The following PRR5 variants were observed in gnomAD, a reference collection of about 807,000 sequenced individuals.
PRR5 encodes proline rich 5, also known as proline-rich protein 5.
Under a neutral mutation model 30.6 loss-of-function variants are expected in PRR5, and 25 were observed. That is an observed-to-expected ratio of 0.82 (90% CI 0.60 to 1.14). The LOEUF (loss-of-function observed/expected upper bound fraction) is 1.14. PRR5 is among the 50% of genes most tolerant of loss of function. PRR5 has a pLI of 0.00. For synonymous variants in PRR5, 286 were observed against 247.1 expected (o/e 1.16, Z -1.48); for missense variants, 600 against 547.1 (o/e 1.10, Z -0.96).
intron 1 of PRR5, among the ~76,000 whole-genome samples, chr22:44,709,491 C>T (rs542867851): frequency 4.6e-5 from 7 of 152,218 alleles, no homozygotes; most frequent in African/African-American, 1.7e-4. Flanking sequence ...ACAGGTATTT[C>T]TCCCCCCGCC....
intron 5 of PRR5, 35 bp from the exon 6 acceptor site, chr22:44,732,216 C>T (rs915045412): frequency 6.2e-7 from 1 of 1,605,834 alleles, no homozygotes; most frequent in Non-Finnish European, 8.5e-7. Flanking sequence ...CGCATGTGAC[C>T]ACAGCCGGTG....
chr22:44,719,031 C>T (rs1420887322), intron 2 of PRR5, among the ~76,000 whole-genome samples: 3 of 151,472 alleles, frequency 2.0e-5, no homozygotes, highest in African/African-American at 4.8e-5. Context: ...TTCTTGATCC[C>T]GTCCTTTGAT....
chr22:44,725,364 C>T, intron 3 of PRR5, 72 bp downstream of exon 3: 1 of 1,592,956 alleles, frequency 6.3e-7, no homozygotes, highest in East Asian at 2.2e-5. Context: ...GGCTCACCTG[C>T]CCCCGGGGGT....
At chr22:44,693,572 T>C (rs1925471766) in intron 1 of PRR5, among the ~76,000 whole-genome samples, 1 of 150,852 alleles carries the variant, frequency 6.6e-6, no homozygotes, top group Admixed American at 6.6e-5. Flanking sequence ...CACAGCCCTC[T>C]CCTCTGGGTC....
chr22:44,710,251 C>T (rs1239535422), intron 1 of PRR5, among the ~76,000 whole-genome samples: 6 of 151,312 alleles, frequency 4.0e-5, no homozygotes, highest in Non-Finnish European at 8.8e-5. Context: ...CATGGAGCCT[C>T]CCTAAGGATC....
At chr22:44,726,001 C>A (rs2016014) in intron 3 of PRR5, among the ~76,000 whole-genome samples, 1 of 151,934 alleles carries the variant, frequency 6.6e-6, no homozygotes, top group East Asian at 1.9e-4. Context: ...ATAACACGGC[C>A]TGCGGACTTT....
At chr22:44,696,799 C>T (rs1452007556) in intron 1 of PRR5, among the ~76,000 whole-genome samples, 1 of 152,114 alleles carries the variant, frequency 6.6e-6, no homozygotes, top group Non-Finnish European at 1.5e-5. Context: ...TGCAGTGGCA[C>T]GATCTTGGCT....
chr22:44,695,259 G>T (rs1036510421), intron 1 of PRR5, among the ~76,000 whole-genome samples: 3 of 152,272 alleles, frequency 2.0e-5, no homozygotes, highest in African/African-American at 7.2e-5. Flanking sequence ...ATGGGAATTC[G>T]CATGCCATAT....
intron 2 of PRR5, among the ~76,000 whole-genome samples, chr22:44,722,232 C>G (rs140489213): frequency 6.6e-6 from 1 of 152,250 alleles, no homozygotes; most frequent in Non-Finnish European, 1.5e-5. Flanking sequence ...GGGCCAGGCT[C>G]CAGGGCTGGA....
intron 2 of PRR5, among the ~76,000 whole-genome samples, chr22:44,719,671 T>C (rs73889705): frequency 0.018 from 2,719 of 152,240 alleles, 87 homozygotes; most frequent in African/African-American, 0.061. Flanking sequence ...TAGCGTCCCA[T>C]GTGGCTCATA....
chr22:44,710,299 G>T (rs1927985067), intron 1 of PRR5, among the ~76,000 whole-genome samples: 2 of 151,618 alleles, frequency 1.3e-5, no homozygotes, highest in South Asian at 4.2e-4. Flanking sequence ...CCCCCCCAGC[G>T]CTCAGGAGGG....
At chr22:44,680,644 C>T (rs1402987445) in intron 1 of PRR5, among the ~76,000 whole-genome samples, 1 of 152,196 alleles carries the variant, frequency 6.6e-6, no homozygotes, top group Non-Finnish European at 1.5e-5. Flanking sequence ...CATGCCTGCC[C>T]ACCACAGCAG....
upstream of PRR5, among the ~76,000 whole-genome samples, chr22:44,673,383 G>T (rs572591178): frequency 7.9e-4 from 120 of 152,364 alleles, 1 homozygote; most frequent in Non-Finnish European, 1.1e-3. Flanking sequence ...CCAATGCATA[G>T]GCAGCTCTTG....
chr22:44,725,304 TTGC>T lies in PRR5; in HGVS notation c.264+14_264+16del, dbSNP rs1429798954. On this transcript the variant is annotated intron_variant, in intron 3 of 7. Coordinates refer to ENST00000336985, the MANE Select transcript of PRR5 (RefSeq NM_181333.4). ...CGGAGTACCTGCAGGTAGGTGGGTC[TTGC>T]TCCAGCCAGGCTGGGCCTGCCTCAT... 4 of 1,612,716 alleles carry T rather than the reference TTGC, an allele frequency of 2.5e-6. No individual in the cohort carries two copies. The highest frequency in any genetic ancestry group is 3.4e-6 in the Non-Finnish European group (4 of 1,179,880).
At chr22:44,716,093 C>A (rs1233658011) in intron 2 of PRR5, among the ~76,000 whole-genome samples, 2 of 152,216 alleles carry the variant, frequency 1.3e-5, no homozygotes, top group Non-Finnish European at 2.9e-5. Flanking sequence ...TTGCTGCTGC[C>A]TCTCCACAGG....
chr22:44,692,262 G>C (rs375809640), intron 1 of PRR5, among the ~76,000 whole-genome samples: 2 of 115,946 alleles, frequency 1.7e-5, no homozygotes, highest in South Asian at 6.1e-4. Context: ...TCCTCCTCCC[G>C]GGGCTCCTCC....
rs112073797 is a variant in PRR5, at chr22:44,694,652, C to G, written c.-10-7840C>G. On this transcript the variant is annotated intron_variant, in intron 1 of 8. Coordinates refer to the PRR5 transcript ENST00000006251. Reference sequence around the variant, plus strand: ...TTGAATCCTGGCCCAGCCATGTGACCTAGGATAAGTCACCTAACCTTTCAG... The same window carrying G: ...TTGAATCCTGGCCCAGCCATGTGACGTAGGATAAGTCACCTAACCTTTCAG... Among the ~76,000 whole-genome samples the G allele has an allele frequency of 6.8e-3, 1,028 of 152,242 alleles. 8 individuals carry two copies. The highest frequency in any genetic ancestry group is 0.017 in the Middle Eastern group (5 of 294).
chr22:44,691,687 T>C lies in PRR5; in HGVS notation c.-10-10805T>C, dbSNP rs1441559626. 6.6e-6 allele frequency among the ~76,000 whole-genome samples: 1 copy of C among 151,894 alleles called. No homozygotes were observed. The highest frequency in any genetic ancestry group is 1.5e-5 in the Non-Finnish European group (1 of 67,988). On this transcript the variant is annotated intron_variant, in intron 1 of 8. Transcript: ENST00000006251. This position sits in a 1 kb window ranked among gnomAD's most constrained non-coding sequence, Gnocchi z 4.4. ...TACTCAGGAGGCTGAGGAAGGAGAA[T>C]CGCTTGAACCTGGGAGGTAGAGGCT...
chr22:44,675,991 T>A (rs754488833), upstream of PRR5, among the ~76,000 whole-genome samples: 12 of 151,990 alleles, frequency 7.9e-5, no homozygotes. Context: ...AATCTCATTT[T>A]GTCCCCCATG....
Sources: gnomAD v4.1 joint callset for allele counts (sites outside exome capture counted in the v4.1 genomes callset) on GRCh38, gnomAD v4.1.1 for gene constraint, Gnocchi (gnomAD v3.1) non-coding constraint, MANE v1.5 for transcripts, NCBI Gene and HGNC (gene_info 2026-07-23, HGNC 2026-07-21) for gene names.